The following GABBR2 variants were observed in gnomAD, a reference collection of about 807,000 sequenced individuals.
GABBR2 encodes the protein G-protein coupled receptor 51.
A neutral mutation model predicts 105.6 loss-of-function variants in GABBR2; 23 were observed. The ratio of observed to expected loss-of-function variants is 0.22; its 90% CI spans 0.16 to 0.31. GABBR2 has a LOEUF of 0.31. Among genes scored for constraint, GABBR2 ranks in the 10% least tolerant of loss-of-function variants. The pLI is 1.00. For missense variants in GABBR2, 734 were observed against 1,245.5 expected (o/e 0.59, Z 6.18); for synonymous variants, 478 against 499.7 (o/e 0.96, Z 0.58).
chr9:98,648,124 G>GTGTGTGTGTGTGTGT (rs1564140825), intron 1 of GABBR2, among the ~76,000 whole-genome samples: 209 of 58,802 alleles, frequency 3.6e-3, no homozygotes, highest in Admixed American at 4.2e-3. Context: ...TGTATAGATA[G>GTGTGTGTGTGTGTGT]ATAGATAGAT....
Position 98,399,318 on chromosome 9 carries a change from C to T in GABBR2, c.1298-5063G>A, listed in dbSNP as rs200508182. Among the ~76,000 whole-genome samples, 56 of 149,422 alleles carry T rather than the reference C, an allele frequency of 3.7e-4. No homozygotes were observed. In the East Asian group the frequency reaches 0.01, roughly 28 times the overall value. Reference sequence around the variant, plus strand: ...AGTGGGCTGAGATTGTGCCACTGTACTCCAGCCTGGGTGACAAAGCAAGAC... The same window carrying T: ...AGTGGGCTGAGATTGTGCCACTGTATTCCAGCCTGGGTGACAAAGCAAGAC... On this transcript the variant is annotated intron_variant, in intron 8 of 18. Transcript: ENST00000259455.
In GABBR2 at chr9:98,388,792, C is replaced by G; in HGVS notation, c.1529+62G>C. 1 of 1,389,728 alleles carries G rather than the reference C, an allele frequency of 7.2e-7. No homozygotes were observed. The highest frequency in any genetic ancestry group is 1.0e-6 in the Non-Finnish European group (1 of 992,174). 86.1% of individuals were successfully genotyped at this position (1,389,728 alleles called of 1,614,324 possible). A position where few individuals can be genotyped will look rare whatever the true frequency, so the allele number is the denominator to read the frequency against. On this transcript the variant is annotated intron_variant, in intron 10 of 18. Transcript: ENST00000259455. This position sits in a 1 kb window ranked among gnomAD's most constrained non-coding sequence, Gnocchi z 4.4. ...GAATCTGTCATGTGGCACTCCTATA[C>G]TGTGTCCATAGGCTTGTCAATTTAG... is the stretch of plus-strand genomic sequence containing the variant.
At chr9:98,663,724 G>C (rs1404877825) in intron 1 of GABBR2, among the ~76,000 whole-genome samples, 1 of 150,816 alleles carries the variant, frequency 6.6e-6, no homozygotes, top group Non-Finnish European at 1.5e-5. Flanking sequence ...TTGCAGACCT[G>C]AAAGCCTCCG....
At chr9:98,505,054 C>G (rs1240715487) in intron 3 of GABBR2, among the ~76,000 whole-genome samples, 1 of 152,206 alleles carries the variant, frequency 6.6e-6, no homozygotes, top group Admixed American at 6.5e-5. Context: ...TAAGATGGTT[C>G]AGGAAATTAG....
chr9:98,455,331 C>CT (rs1029581608), intron 6 of GABBR2, among the ~76,000 whole-genome samples: 3 of 152,268 alleles, frequency 2.0e-5, no homozygotes, highest in African/African-American at 4.8e-5. Context: ...CTTCATGGGT[C>CT]TTTTTTCAAA....
At chr9:98,700,021 G>T (rs539974748) in intron 1 of GABBR2, among the ~76,000 whole-genome samples, 1 of 152,202 alleles carries the variant, frequency 6.6e-6, no homozygotes, top group African/African-American at 2.4e-5. Flanking sequence ...CATGGAGGAT[G>T]ACCAACCAGG....
intron 1 of GABBR2, among the ~76,000 whole-genome samples, chr9:98,650,126 T>C (rs967165822): frequency 1.3e-5 from 2 of 152,180 alleles, no homozygotes; most frequent in African/African-American, 4.8e-5. Flanking sequence ...TCTATCTCCA[T>C]TATTTTTAAA....
At position 98,364,601 on chromosome 9, in the gene GABBR2, A is replaced by ATTTTTTTTTT. The variant is rs61391834; in HGVS notation, c.1771-1774_1771-1765dup. On this transcript the variant is annotated intron_variant, in intron 12 of 18. Transcript: ENST00000259455. Reference sequence around the variant, plus strand: ...TCAAGTATGAAGTCTGAGGAAGTGGATTTTTTTTTTTTTTTTATGGAATCT... The same window carrying ATTTTTTTTTT: ...TCAAGTATGAAGTCTGAGGAAGTGGATTTTTTTTTTTTTTTTTTTTTTTTTTATGGAATCT... 9.4e-3 allele frequency among the ~76,000 whole-genome samples: 1,264 copies of ATTTTTTTTTT among 135,140 alleles called. 35 individuals carry two copies. Among genetic ancestry groups the ATTTTTTTTTT allele is most frequent in the African/African-American group, 0.02 (714 of 34,896 alleles). The allele number at this position is 135,140 out of a possible 152,430, so 88.7% of individuals were successfully genotyped here.
chr9:98,537,912 G>A (rs538118201), intron 3 of GABBR2, among the ~76,000 whole-genome samples: 2 of 152,222 alleles, frequency 1.3e-5, no homozygotes, highest in East Asian at 1.9e-4. Flanking sequence ...TGATTCTAGC[G>A]AGCAGCCAGA....
At chr9:98,302,749 T>C (rs1830489854) in intron 16 of GABBR2, 1 of 153,042 alleles carries the variant, frequency 6.5e-6, no homozygotes, top group East Asian at 1.9e-4. Flanking sequence ...ATGGTCTCTC[T>C]GGAATATTCA....
In GABBR2 at chr9:98,388,808, G is replaced by A. The variant is rs375413470; in HGVS notation, c.1529+46C>T. On this transcript the variant is annotated intron_variant, in intron 10 of 18. Coordinates refer to ENST00000259455, the MANE Select transcript of GABBR2 (RefSeq NM_005458.8). This position sits in a 1 kb window ranked among gnomAD's most constrained non-coding sequence, Gnocchi z 4.4. ...ACTCCTATACTGTGTCCATAGGCTT[G>A]TCAATTTAGAAAGTGATATCACAGA... 2,040 of 1,529,060 alleles carry A rather than the reference G, an allele frequency of 1.3e-3. 1 individual carries two copies. Among genetic ancestry groups the A allele is most frequent in the Non-Finnish European group, 1.7e-3 (1,924 of 1,112,736 alleles). 94.7% of individuals were successfully genotyped at this position (1,529,060 alleles called of 1,614,324 possible).
intron 1 of GABBR2, among the ~76,000 whole-genome samples, chr9:98,586,620 GT>G (rs1829081653): frequency 6.6e-6 from 1 of 152,116 alleles, no homozygotes; most frequent in Non-Finnish European, 1.5e-5. Flanking sequence ...TTTCTTTACA[GT>G]TTTATATGTA....
chr9:98,473,465 T>C (rs970986272), intron 5 of GABBR2, 119 bp from the exon 6 acceptor site: 3 of 647,828 alleles, frequency 4.6e-6, no homozygotes, highest in Non-Finnish European at 8.2e-6. Context: ...AAATGTTTAA[T>C]TACTTGTTTG....
chr9:98,365,213 G>A (rs1053699198), intron 12 of GABBR2, among the ~76,000 whole-genome samples: 3 of 152,250 alleles, frequency 2.0e-5, no homozygotes, highest in Non-Finnish European at 4.4e-5. Context: ...TTTTTAAAGT[G>A]TGGTCAGTGA....
intron 13 of GABBR2, among the ~76,000 whole-genome samples, chr9:98,359,858 G>A (rs569106850): frequency 2.2e-4 from 33 of 152,312 alleles, no homozygotes; most frequent in African/African-American, 7.7e-4. Context: ...CCTGACTGGG[G>A]AATGTTTGGG....
intron 7 of GABBR2, among the ~76,000 whole-genome samples, chr9:98,435,729 C>T (rs781403375): frequency 6.6e-6 from 1 of 152,162 alleles, no homozygotes; most frequent in Non-Finnish European, 1.5e-5. Context: ...CCTGCTCTTC[C>T]CTTTTCCAGA....
chr9:98,613,885 A>G (rs1829543577), intron 1 of GABBR2, among the ~76,000 whole-genome samples: 1 of 152,262 alleles, frequency 6.6e-6, no homozygotes, highest in Non-Finnish European at 1.5e-5. Context: ...CAAAAGCATT[A>G]GGAAAATGTG....
At chr9:98,421,588 T>C (rs567440792) in intron 7 of GABBR2, among the ~76,000 whole-genome samples, 8 of 152,266 alleles carry the variant, frequency 5.3e-5, no homozygotes, top group African/African-American at 1.9e-4. Flanking sequence ...GAGAAAAAAA[T>C]ATTGTGTGAA....
chr9:98,671,521 T>C (rs148232006), intron 1 of GABBR2, among the ~76,000 whole-genome samples: 178 of 152,136 alleles, frequency 1.2e-3, no homozygotes, highest in African/African-American at 4.0e-3. Context: ...TACCTAGGAG[T>C]GGAACTGCTG....
Sources: allele counts gnomAD v4.1 joint callset (sites outside exome capture counted in the v4.1 genomes callset), GRCh38; gene constraint gnomAD v4.1.1; non-coding constraint Gnocchi (gnomAD v3.1); transcripts MANE v1.5; gene names NCBI Gene and HGNC (gene_info 2026-07-23, HGNC 2026-07-21).